MAU2: variants seen among roughly 807,000 people sequenced by gnomAD.
MAU2 encodes MAU2 chromatid cohesion factor homolog.
In MAU2, 9 loss-of-function variants were observed where a neutral mutation model predicts 89.1. The observed-to-expected ratio is 0.10, with a 90% CI of 0.06 to 0.18. The LOEUF (loss-of-function observed/expected upper bound fraction) is 0.18, where lower values mean the gene tolerates loss of function less well. MAU2 is among the 10% of genes least tolerant of loss of function. The probability of loss-of-function intolerance (pLI) is 1.00; values close to 1 mark genes in which losing one functional copy is unlikely to be tolerated. For synonymous variants in MAU2, 357 were observed against 343.4 expected (o/e 1.04, Z -0.44); for missense variants, 425 against 803.5 (o/e 0.53, Z 5.69).
intron 1 of MAU2, among the ~76,000 whole-genome samples, chr19:19,327,604 C>T (rs1012755586): frequency 6.6e-6 from 1 of 152,082 alleles, no homozygotes; most frequent in African/African-American, 2.4e-5. Context: ...GGATTACAGG[C>T]GTGAGCCACT....
chr19:19,325,130 C>G (rs776643943), intron 1 of MAU2, among the ~76,000 whole-genome samples: 2 of 152,064 alleles, frequency 1.3e-5, no homozygotes, highest in African/African-American at 4.8e-5. Flanking sequence ...TTTCTCCTTG[C>G]TCATTCTCTC....
intron 1 of MAU2, 103 bp downstream of exon 1, chr19:19,321,238 T>G (rs1048245282): frequency 1.5e-6 from 2 of 1,314,820 alleles, no homozygotes; most frequent in Non-Finnish European, 2.0e-6. Flanking sequence ...CTCGGCGACC[T>G]GGGGGCGCGA....
At chr19:19,336,008 C>T (rs2146675142) in intron 2 of MAU2, 114 bp from the exon 3 acceptor site, 1 of 785,050 alleles carries the variant, frequency 1.3e-6, no homozygotes, top group South Asian at 1.6e-5. Flanking sequence ...AATTTCAGGG[C>T]AGGCAGGGAC....
intron 10 of MAU2, 187 bp from the exon 11 acceptor site, chr19:19,344,662 T>G: frequency 1.6e-6 from 1 of 609,666 alleles, no homozygotes; most frequent in Non-Finnish European, 3.0e-6. Flanking sequence ...CAGACAAGGG[T>G]CCCTGTCCAC....
At position 19,354,451 on chromosome 19, in the gene MAU2, T is replaced by C. The variant is rs374288601; in HGVS notation, c.1639+6T>C. 6 of 1,611,296 alleles carry C rather than the reference T, an allele frequency of 3.7e-6. No homozygotes were observed. In the African/African-American group the frequency reaches 8.0e-5, roughly 22 times the overall value. ...GTCGTCAGCACTGCTGAGAGGTGAG[T>C]GCAATGGCCACCCCTCTTCCCCAGC... On this transcript the variant is annotated splice_donor_region_variant and intron_variant, in intron 17 of 18. Coordinates refer to ENST00000262815, the MANE Select transcript of MAU2 (RefSeq NM_015329.4).
In MAU2 at chr19:19,356,275, C is replaced by T. The variant is rs2048177698; in HGVS notation, c.*493C>T. 2 of 353,204 alleles carry T rather than the reference C, an allele frequency of 5.7e-6. No homozygotes were observed. The highest frequency in any genetic ancestry group is 2.1e-5 in the African/African-American group (1 of 46,814). The allele number at this position is 353,204 out of a possible 1,614,324, so 21.9% of individuals were successfully genotyped here. A position where few individuals can be genotyped will look rare whatever the true frequency, so the allele number is the denominator to read the frequency against. On this transcript the variant is annotated 3_prime_UTR_variant, in exon 19 of 19. Transcript: ENST00000262815. ...TGAATTTGGAGGGAAGAAGTAATGGCGCTAGTGTGGGACGAAGCACAGATC... is the reference window on the plus strand; with the variant it reads ...TGAATTTGGAGGGAAGAAGTAATGGTGCTAGTGTGGGACGAAGCACAGATC...
chr19:19,341,334 A>ACCC lies in MAU2; in HGVS notation c.664_666dup (p.Pro222dup), dbSNP rs1262114489. On this transcript the variant is annotated inframe_insertion, in exon 7 of 19. Transcript: ENST00000262815. Reference sequence around the variant, plus strand: ...CAGATCGTGGAGAACTGGCAGGGGAACCCCATCCAGAAGGAGTCGCTGCGT... The same window carrying ACCC: ...CAGATCGTGGAGAACTGGCAGGGGAACCCCCCCATCCAGAAGGAGTCGCTGCGT... 6.2e-7 allele frequency: 1 copy of ACCC among 1,613,636 alleles called. No individual in the cohort carries two copies.
In MAU2 at chr19:19,342,522, G is replaced by C; in HGVS notation, c.736-13G>C. 1 of 1,550,738 alleles carries C rather than the reference G, an allele frequency of 6.4e-7. No homozygotes were observed. Among genetic ancestry groups the C allele is most frequent in the Non-Finnish European group, 8.7e-7 (1 of 1,146,492 alleles). On this transcript the variant is annotated splice_polypyrimidine_tract_variant and intron_variant, in intron 7 of 18. Coordinates refer to ENST00000262815, the MANE Select transcript of MAU2 (RefSeq NM_015329.4). ...CAGGCTCAGGTGGATGCTCGGGTGT[G>C]GGTGCTGCACAGGTGAAGAGCGTGA...
At chr19:19,327,196 A>G (rs1328966103) in intron 1 of MAU2, among the ~76,000 whole-genome samples, 1 of 148,612 alleles carries the variant, frequency 6.7e-6, no homozygotes, top group Non-Finnish European at 1.5e-5. Context: ...ATCTCAGCTC[A>G]TTAAAACCTC....
intron 1 of MAU2, chr19:19,321,385 G>A: frequency 2.2e-6 from 1 of 463,060 alleles, no homozygotes; most frequent in Non-Finnish European, 3.8e-6. Flanking sequence ...CCCCGTCACC[G>A]TACTCTGAAA....
intron 16 of MAU2, among the ~76,000 whole-genome samples, chr19:19,350,213 T>C (rs528839247): frequency 1.3e-5 from 2 of 151,442 alleles, no homozygotes; most frequent in South Asian, 2.1e-4. Context: ...TGAGAATCAC[T>C]TGAACCCAGG....
Position 19,338,928 on chromosome 19 carries a change from T to C in MAU2, c.540T>C (p.Ser180=), listed in dbSNP as rs1252465184. ...CCGAGTACGCCCGGGTGGTGGGATC[T>C]GAATACACACGGTAGGCACCCACTC... ...VGAEYARVVG[S]EYTRALFLLS... The change falls in exon 5 of 19, where the codon TCT becomes TCC. Residue 180 remains serine, a synonymous_variant. Transcript: ENST00000262815. The C allele has an allele frequency of 1.9e-6, 3 of 1,612,942 alleles. No homozygotes were observed. The highest frequency in any genetic ancestry group is 2.5e-6 in the Non-Finnish European group (3 of 1,179,662).
chr19:19,328,654 C>G (rs1242240953), intron 1 of MAU2, among the ~76,000 whole-genome samples: 2 of 152,102 alleles, frequency 1.3e-5, no homozygotes, highest in Admixed American at 1.3e-4. Context: ...ATCTCCTGAC[C>G]TCGTAATCCG....
At position 19,351,117 on chromosome 19, in the gene MAU2, A is replaced by G. The variant is rs183026287; in HGVS notation, c.1548+1681A>G. ...GAGCGCAGTGGCATGATCTCAGCTCAGCTCGTGGTAACCTTCACCCCCTGT... is the reference window on the plus strand; with the variant it reads ...GAGCGCAGTGGCATGATCTCAGCTCGGCTCGTGGTAACCTTCACCCCCTGT... On this transcript the variant is annotated intron_variant, in intron 16 of 18. Coordinates refer to ENST00000262815, the MANE Select transcript of MAU2 (RefSeq NM_015329.4). 3.9e-3 allele frequency among the ~76,000 whole-genome samples: 600 copies of G among 151,936 alleles called. 1 individual carries two copies. Among genetic ancestry groups the G allele is most frequent in the Non-Finnish European group, 6.2e-3 (419 of 67,970 alleles).
Position 19,340,842 on chromosome 19 carries a change from G to A in MAU2, c.552-4G>A. On this transcript the variant is annotated splice_polypyrimidine_tract_variant and splice_region_variant and intron_variant, in intron 5 of 18. Coordinates refer to ENST00000262815, the MANE Select transcript of MAU2 (RefSeq NM_015329.4). The stretch of plus-strand genomic sequence containing the variant: ...GGACCTGACCCCTGCCTCTTGTTTT[G>A]CAGGGCGCTGTTCCTCCTCAGCAAG... 2 of 1,613,294 alleles carry A rather than the reference G, an allele frequency of 1.2e-6. No homozygotes were observed. The highest frequency in any genetic ancestry group is 1.7e-6 in the Non-Finnish European group (2 of 1,179,802).
Position 19,356,479 on chromosome 19 carries a change from G to A in MAU2, c.*697G>A, listed in dbSNP as rs969611110. The A allele has an allele frequency of 9.7e-6, 2 of 206,456 alleles. No individual in the cohort carries two copies. The highest frequency in any genetic ancestry group is 1.3e-4 in the East Asian group (1 of 7,862). 12.8% of individuals were successfully genotyped at this position (206,456 alleles called of 1,614,324 possible). On this transcript the variant is annotated 3_prime_UTR_variant, in exon 19 of 19. Coordinates refer to ENST00000262815, the MANE Select transcript of MAU2 (RefSeq NM_015329.4). ...CACGGGTGTGCATGTGGATGCACAC[G>A]GGTGTGCGGTGAAGATCTGTGGAGA...
intron 1 of MAU2, among the ~76,000 whole-genome samples, chr19:19,329,793 TA>T (rs531975850): frequency 3.4e-3 from 472 of 140,720 alleles, no homozygotes; most frequent in East Asian, 4.4e-3. Flanking sequence ...CCCTGTCTCT[TA>T]AAAAAAAAAA....
chr19:19,345,257 C>T lies in MAU2; in HGVS notation c.1156-47C>T. The T allele has an allele frequency of 1.3e-6, 2 of 1,555,082 alleles. No individual in the cohort carries two copies. Among genetic ancestry groups the T allele is most frequent in the Non-Finnish European group, 8.9e-7 (1 of 1,127,346 alleles). Reference sequence around the variant, plus strand: ...GCACACCACGTGTCTCTGATCTGAGCCCCCTCCCCAGGGGCCGGCCCTGAT... The same window carrying T: ...GCACACCACGTGTCTCTGATCTGAGTCCCCTCCCCAGGGGCCGGCCCTGAT... On this transcript the variant is annotated intron_variant, in intron 11 of 18. Transcript: ENST00000262815. This position sits in a 1 kb window ranked among gnomAD's most constrained non-coding sequence, Gnocchi z 4.9.
chr19:19,354,664 A>G (rs886685204), intron 17 of MAU2: 11 of 576,518 alleles, frequency 1.9e-5, no homozygotes, highest in East Asian at 5.8e-5. Flanking sequence ...TTCAGTCTCT[A>G]TAGGACACAG....
Sources: gnomAD v4.1 joint callset for allele counts (sites outside exome capture counted in the v4.1 genomes callset) on GRCh38, gnomAD v4.1.1 for gene constraint, Gnocchi (gnomAD v3.1) non-coding constraint, MANE v1.5 for transcripts, NCBI Gene and HGNC (gene_info 2026-07-23, HGNC 2026-07-21) for gene names.